The following VPS39 variants were observed in gnomAD, a reference collection of about 807,000 sequenced individuals.
VPS39 encodes the protein vam6/Vps39-like protein.
VPS39 carries 70 observed loss-of-function variants against 121.0 expected under a neutral mutation model. That is an observed-to-expected ratio of 0.58 (90% CI 0.48 to 0.71). The LOEUF is 0.71. Among genes scored for constraint, VPS39 ranks in the 30% least tolerant of loss-of-function variants. The pLI is 0.00. For synonymous variants in VPS39, 378 were observed against 398.1 expected (o/e 0.95, Z 0.60); for missense variants, 818 against 1,051.5 (o/e 0.78, Z 3.07).
chr15:42,208,087 C>G lies in VPS39; in HGVS notation c.67G>C (p.Ala23Pro). ...CCGCGGCCCCTCGGCTCACCCCAGG[C>G]AGCCAGACAGTCGATTTGCAGAGGC... Reference protein sequence around the residue: ...KLPLQIDCLAAWEEWLLVGTK... With the variant: ...KLPLQIDCLAPWEEWLLVGTK... The change falls in exon 1 of 25, where the codon GCC becomes CCC. Residue 23 changes from alanine (A) to proline (P), a missense_variant. Transcript: ENST00000318006. The G allele has an allele frequency of 7.6e-6, 12 of 1,582,946 alleles. No individual in the cohort carries two copies. The highest frequency in any genetic ancestry group is 1.0e-5 in the Non-Finnish European group (12 of 1,163,876).
At chr15:42,192,031 C>T (rs1226929172) in intron 2 of VPS39, 6 of 1,535,632 alleles carry the variant, frequency 3.9e-6, no homozygotes, top group Non-Finnish European at 5.2e-6. Context: ...AAACCCATCT[C>T]CAGAGCTAAA....
At chr15:42,186,821 C>T (rs1406791089) in intron 7 of VPS39, among the ~76,000 whole-genome samples, 1 of 152,090 alleles carries the variant, frequency 6.6e-6, no homozygotes, top group African/African-American at 2.4e-5. Flanking sequence ...AAACACGTGG[C>T]TTTTGAAATT....
At chr15:42,187,722 C>T (rs776312362) in intron 6 of VPS39, 36 bp downstream of exon 6, 1 of 1,601,550 alleles carries the variant, frequency 6.2e-7, no homozygotes, top group Admixed American at 1.7e-5. Context: ...TGCAGCAGCT[C>T]CCACCCAACC....
chr15:42,192,866 C>T (rs2049858378), intron 2 of VPS39, among the ~76,000 whole-genome samples: 2 of 152,172 alleles, frequency 1.3e-5, no homozygotes, highest in South Asian at 4.1e-4. Flanking sequence ...GCAACATCCA[C>T]CTCCCGGGTT....
intron 17 of VPS39, 50 bp from the exon 18 acceptor site, chr15:42,165,163 T>C: frequency 6.4e-7 from 1 of 1,556,268 alleles, no homozygotes; most frequent in Non-Finnish European, 8.9e-7. Flanking sequence ...GGCTGTGACC[T>C]GGTCTCCCAG....
chr15:42,178,531 T>C lies in VPS39; in HGVS notation c.758A>G (p.Tyr253Cys). ...CGGTTCAAATGTTCGGATCTCAACATATCGAGGCAACACTGCAATGATGTA... is the reference window on the plus strand; with the variant it reads ...CGGTTCAAATGTTCGGATCTCAACACATCGAGGCAACACTGCAATGATGTA... ...PPYIIAVLPRYVEIRTFEPRL... is the reference protein window; with the variant it reads ...PPYIIAVLPRCVEIRTFEPRL... The change falls in exon 9 of 25, where the codon TAT becomes TGT. Residue 253 changes from tyrosine to cysteine, a missense_variant. Physicochemically the swap from Tyr to Cys is radical, Grantham distance 194. Transcript: ENST00000318006. The C allele has an allele frequency of 1.9e-6, 3 of 1,614,162 alleles. No individual in the cohort carries two copies. The highest frequency in any genetic ancestry group is 2.5e-6 in the Non-Finnish European group (3 of 1,180,024).
rs1296337062 is a variant in VPS39, at chr15:42,160,499, G to C, written c.*255C>G. ...AGATGGTGCACATCCTCCTGACCAA[G>C]CAGGTACTGAATTCTCTGGAATTGC... On this transcript the variant is annotated 3_prime_UTR_variant, in exon 25 of 25. Coordinates refer to ENST00000318006, the MANE Select transcript of VPS39 (RefSeq NM_015289.5). The C allele has an allele frequency of 4.1e-6, 2 of 491,032 alleles. No individual in the cohort carries two copies. The highest frequency in any genetic ancestry group is 6.6e-5 in the East Asian group (2 of 30,290). 30.4% of individuals were successfully genotyped at this position (491,032 alleles called of 1,614,324 possible). A position where few individuals can be genotyped will look rare whatever the true frequency, so the allele number is the denominator to read the frequency against.
At position 42,162,393 on chromosome 15, in the gene VPS39, G is replaced by A; in HGVS notation, c.2264C>T (p.Ala755Val). The change falls in exon 22 of 25, where the codon GCC becomes GTC. Residue 755 changes from alanine to valine, a missense_variant. Coordinates refer to ENST00000318006, the MANE Select transcript of VPS39 (RefSeq NM_015289.5). The part of the protein sequence containing the change: ...PIKLELLEPK[A>V]NLQAALQVLE... ...GACCTGCAGAGCGGCCTGGAGGTTG[G>A]CTTTTGGCTCCAGTAGTTCCAGCTT... 1.9e-6 allele frequency: 3 copies of A among 1,613,828 alleles called. No individual in the cohort carries two copies. Among genetic ancestry groups the A allele is most frequent in the Non-Finnish European group, 2.5e-6 (3 of 1,179,928 alleles).
At chr15:42,183,322 G>C (rs1224680853) in intron 8 of VPS39, among the ~76,000 whole-genome samples, 1 of 150,898 alleles carries the variant, frequency 6.6e-6, no homozygotes, top group Non-Finnish European at 1.5e-5. Context: ...GGCTGATTGT[G>C]AACTCCTGAG....
At chr15:42,165,449 CGCTTTGGAATTTTTTTTCCAAATGTG>C in intron 17 of VPS39, 2 of 468,112 alleles carry the variant, frequency 4.3e-6, no homozygotes, top group Non-Finnish European at 3.8e-6. Context: ...TTTTGAGTTT[CGCTTTGGAATTTTTTTTCCAAATGTG>C]GCTTTGGAAT....
chr15:42,188,402 G>A (rs2049749125), intron 5 of VPS39, among the ~76,000 whole-genome samples: 1 of 152,170 alleles, frequency 6.6e-6, no homozygotes, highest in Non-Finnish European at 1.5e-5. Flanking sequence ...CAAAAATAAA[G>A]AGCGATATCT....
rs767864831 is a variant in VPS39 at position 42,165,739 on chromosome 15, C to G, written c.1758G>C (p.Lys586Asn). ...RVLGFLIENF[K>N]GLAIPYLEHI... ...TTACCAGATAAGGAATAGCCAGACC[C>G]TTAAAATTCTCTATTAAGAAGCCGA... is the stretch of plus-strand genomic sequence containing the variant. Residue 586 changes from lysine (K) to asparagine (N), a missense_variant, in exon 17 of 25, where the codon AAG becomes AAC. Physicochemically the swap from Lys to Asn is moderately conservative, Grantham distance 94. Transcript: ENST00000318006. 6 of 1,614,106 alleles carry G rather than the reference C, an allele frequency of 3.7e-6. No homozygotes were observed. In the South Asian group the frequency reaches 5.5e-5, roughly 15 times the overall value.
At chr15:42,204,829 T>C (rs1363343293) in intron 1 of VPS39, among the ~76,000 whole-genome samples, 3 of 152,192 alleles carry the variant, frequency 2.0e-5, no homozygotes, top group Non-Finnish European at 2.9e-5. Flanking sequence ...TTTTGACTTA[T>C]CTTTCCATTG....
intron 20 of VPS39, 57 bp from the exon 21 acceptor site, chr15:42,163,452 A>T: frequency 6.2e-7 from 1 of 1,606,998 alleles, no homozygotes; most frequent in East Asian, 2.2e-5. Context: ...TCTAAATGAG[A>T]GGCTGTGCGT....
chr15:42,178,030 A>G (rs1202671700), intron 10 of VPS39, among the ~76,000 whole-genome samples, 188 bp downstream of exon 10: 1 of 150,076 alleles, frequency 6.7e-6, no homozygotes, highest in Admixed American at 6.7e-5. Context: ...TTGACAGATA[A>G]AGTGAAAAAG....
chr15:42,167,320 T>C, intron 13 of VPS39, 74 bp downstream of exon 13: 1 of 1,570,018 alleles, frequency 6.4e-7, no homozygotes, highest in Non-Finnish European at 8.7e-7. Context: ...CCTCAGGGTC[T>C]AGCACTCCCT....
At chr15:42,175,099 A>G (rs2049422593) in intron 10 of VPS39, among the ~76,000 whole-genome samples, 1 of 152,168 alleles carries the variant, frequency 6.6e-6, no homozygotes, top group African/African-American at 2.4e-5. Context: ...CAGAGAGAGC[A>G]CAGTGTACTC....
chr15:42,181,857 C>T (rs1437397893), intron 8 of VPS39, among the ~76,000 whole-genome samples: 2 of 152,092 alleles, frequency 1.3e-5, no homozygotes, highest in East Asian at 3.9e-4. Context: ...TATATGCGTA[C>T]AGCACGATGC....
intron 21 of VPS39, chr15:42,162,715 C>T (rs2049156773): frequency 2.4e-6 from 1 of 416,966 alleles, no homozygotes; most frequent in Non-Finnish European, 4.2e-6. Flanking sequence ...ATTCGTTTAC[C>T]ATTATGCCAT....
Sources: allele counts gnomAD v4.1 joint callset (sites outside exome capture counted in the v4.1 genomes callset), GRCh38; gene constraint gnomAD v4.1.1; transcripts MANE v1.5; gene names NCBI Gene and HGNC (gene_info 2026-07-23, HGNC 2026-07-21).